C1GALT1: variants seen among roughly 807,000 people sequenced by gnomAD.
C1GALT1 encodes the protein glycoprotein-N-acetylgalactosamine 3-beta-galactosyltransferase 1.
In C1GALT1, 11 loss-of-function variants were observed where a neutral mutation model predicts 31.0. That is an observed-to-expected ratio of 0.36 (90% CI 0.22 to 0.59). The LOEUF is 0.59. Among genes scored for constraint, C1GALT1 ranks in the 20% least tolerant of loss-of-function variants. The probability of loss-of-function intolerance (pLI) is 0.79; values close to 1 mark genes in which losing one functional copy is unlikely to be tolerated. For synonymous variants in C1GALT1, 175 were observed against 143.6 expected (o/e 1.22, Z -1.56); for missense variants, 424 against 425.2 (o/e 1.00, Z 0.03).
intron 1 of C1GALT1, among the ~76,000 whole-genome samples, chr7:7,187,286 G>C (rs910164118): frequency 6.7e-6 from 1 of 149,340 alleles, no homozygotes; most frequent in African/African-American, 2.5e-5. Context: ...GTCTCACTCT[G>C]TCGCCCAGGC....
At chr7:7,161,075 A>G (rs1780328820) in intron 2 of C1GALT1, among the ~76,000 whole-genome samples, 1 of 152,156 alleles carries the variant, frequency 6.6e-6, no homozygotes, top group Admixed American at 6.6e-5. Flanking sequence ...ATTACTGACT[A>G]CTTGTGTACT....
intron 2 of C1GALT1, among the ~76,000 whole-genome samples, chr7:7,235,793 C>G (rs1276350651): frequency 1.3e-5 from 2 of 152,172 alleles, no homozygotes; most frequent in South Asian, 2.1e-4. Flanking sequence ...TACCATCTGT[C>G]TGTGCCAGAA....
chr7:7,182,971 G>T (rs1780651161), intron 1 of C1GALT1, among the ~76,000 whole-genome samples, 151 bp downstream of exon 1: 1 of 152,138 alleles, frequency 6.6e-6, no homozygotes, highest in African/African-American at 2.4e-5. Flanking sequence ...GCCGGGCTGG[G>T]GTCGTCCGGG....
chr7:7,169,791 A>G (rs1214252907), intron 2 of C1GALT1, among the ~76,000 whole-genome samples: 1 of 152,212 alleles, frequency 6.6e-6, no homozygotes, highest in Non-Finnish European at 1.5e-5. Context: ...TTGCTTCAAT[A>G]TTCAGAAGGG....
At chr7:7,182,017 G>T (rs1302193420), upstream of C1GALT1, among the ~76,000 whole-genome samples, 1 of 152,144 alleles carries the variant, frequency 6.6e-6, no homozygotes, top group African/African-American at 2.4e-5. Context: ...CCTATAGAAA[G>T]CTTTCTGGTA....
Position 7,246,627 on chromosome 7 carries a change from G to C in C1GALT1, c.*2900G>C, listed in dbSNP as rs5010184. 6.6e-6 allele frequency: 1 copy of C among 152,056 alleles called. No individual in the cohort carries two copies. Among genetic ancestry groups the C allele is most frequent in the Non-Finnish European group, 1.5e-5 (1 of 68,102 alleles). The allele number at this position is 152,056 out of a possible 1,614,324, so 9.4% of individuals were successfully genotyped here. A position where few individuals can be genotyped will look rare whatever the true frequency, so the allele number is the denominator to read the frequency against. ...ACTTGTTGGAAATGCAGCCTCTCTC[G>C]GGGCCTCATCTCAGATCAGATCTAC... is the stretch of plus-strand genomic sequence containing the variant. On this transcript the variant is annotated 3_prime_UTR_variant, in exon 4 of 4. Transcript: ENST00000436587.
At chr7:7,174,646 CT>C (rs1028594548) in intron 2 of C1GALT1, among the ~76,000 whole-genome samples, 51 of 151,938 alleles carry the variant, frequency 3.4e-4, no homozygotes, top group African/African-American at 1.1e-3. Flanking sequence ...TTTCTTCATT[CT>C]TTTTCCTTTC....
intron 1 of C1GALT1, among the ~76,000 whole-genome samples, chr7:7,204,710 C>T (rs1346191090): frequency 6.6e-6 from 1 of 152,088 alleles, no homozygotes. Flanking sequence ...TTCCTTAGCA[C>T]TGCTTTATCT....
chr7:7,184,294 T>G (rs1052930155), intron 1 of C1GALT1, among the ~76,000 whole-genome samples: 3 of 152,228 alleles, frequency 2.0e-5, no homozygotes, highest in East Asian at 3.8e-4. Context: ...AAGAGAATAA[T>G]TTTTCAGTAT....
At chr7:7,231,125 G>A (rs1438600706) in intron 1 of C1GALT1, among the ~76,000 whole-genome samples, 1 of 152,084 alleles carries the variant, frequency 6.6e-6, no homozygotes, top group African/African-American at 2.4e-5. Context: ...ATTTTTGCTG[G>A]ATACAGAATG....
chr7:7,230,060 G>T (rs892175572), intron 1 of C1GALT1, among the ~76,000 whole-genome samples: 1 of 152,114 alleles, frequency 6.6e-6, no homozygotes, highest in East Asian at 1.9e-4. Flanking sequence ...TCCTCTTAGG[G>T]TTTTTCTTCC....
chr7:7,203,890 A>G (rs78807437), intron 1 of C1GALT1, among the ~76,000 whole-genome samples: 5,763 of 152,154 alleles, frequency 0.038, 250 homozygotes, highest in African/African-American at 0.11. Flanking sequence ...CTACAGTACT[A>G]TAGAATACAA....
rs572795067 is a variant in C1GALT1, at chr7:7,210,247, A to G, written c.-17-24056A>G. Among the ~76,000 whole-genome samples the G allele has an allele frequency of 4.9e-4, 74 of 152,144 alleles. 1 individual carries two copies. In the East Asian group the frequency reaches 0.012, roughly 25 times the overall value. The stretch of plus-strand genomic sequence containing the variant: ...TTTCTGAACCTGGAATTGTGGGACT[A>G]TTTTAAAGGGTATAATTTCAACTGG... On this transcript the variant is annotated intron_variant, in intron 1 of 3. Coordinates refer to ENST00000436587, the MANE Select transcript of C1GALT1 (RefSeq NM_020156.5).
At chr7:7,223,267 T>A (rs1782595303) in intron 1 of C1GALT1, among the ~76,000 whole-genome samples, 1 of 152,182 alleles carries the variant, frequency 6.6e-6, no homozygotes, top group Non-Finnish European at 1.5e-5. Context: ...CAAGCAATTC[T>A]CCTGCTTCAA....
chr7:7,224,216 G>A (rs1021593350), intron 1 of C1GALT1, among the ~76,000 whole-genome samples: 1 of 149,674 alleles, frequency 6.7e-6, no homozygotes, highest in African/African-American at 2.4e-5. Flanking sequence ...ATACTTTTAA[G>A]TATTTTTGTT....
At chr7:7,207,782 TTTTC>T (rs1393051283) in intron 1 of C1GALT1, among the ~76,000 whole-genome samples, 1 of 144,094 alleles carries the variant, frequency 6.9e-6, no homozygotes, top group Non-Finnish European at 1.5e-5. Context: ...GGTGTGCTTT[TTTTC>T]TTTGTTTTTT....
rs747784046 is a variant in C1GALT1, at chr7:7,234,481, T to C, written c.162T>C (p.Asn54=). 1.2e-6 allele frequency: 2 copies of C among 1,613,940 alleles called. No homozygotes were observed. The highest frequency in any genetic ancestry group is 1.3e-5 in the African/African-American group (1 of 75,044). ...NDPHARHSDD[N]GQNHLEGQMN... is the part of the protein sequence containing the mutation. Reference sequence around the variant, plus strand: ...CTCATGCAAGGCATTCAGATGATAATGGACAGAATCATCTAGAAGGACAAA... The same window carrying C: ...CTCATGCAAGGCATTCAGATGATAACGGACAGAATCATCTAGAAGGACAAA... The change falls in exon 2 of 4, where the codon AAT becomes AAC. Residue 54 remains asparagine (N), a synonymous_variant. Transcript: ENST00000436587.
rs1562598507 is a variant in C1GALT1 at position 7,238,823 on chromosome 7, A to G, written c.789A>G (p.Lys263=). The G allele has an allele frequency of 1.9e-6, 3 of 1,613,958 alleles. No homozygotes were observed. The highest frequency in any genetic ancestry group is 1.3e-5 in the African/African-American group (1 of 75,070). The stretch of plus-strand genomic sequence containing the variant: ...GAGATTCCAGAGATACCATTGGAAA[A>G]GAAACTTTTCATCCCTTTGTGCCAG... ...EAGDSRDTIG[K]ETFHPFVPEH... Residue 263 remains lysine (K), a synonymous_variant, in exon 3 of 4, where the codon AAA becomes AAG. Coordinates refer to ENST00000436587, the MANE Select transcript of C1GALT1 (RefSeq NM_020156.5). This position sits in a 1 kb window ranked among gnomAD's most constrained non-coding sequence, Gnocchi z 5.2.
chr7:7,230,362 T>C (rs1387240532), intron 1 of C1GALT1, among the ~76,000 whole-genome samples: 1 of 152,168 alleles, frequency 6.6e-6, no homozygotes, highest in Non-Finnish European at 1.5e-5. Flanking sequence ...TTTTTTGTGG[T>C]ATCAATAAGC....
Sources: gnomAD v4.1 joint callset for allele counts (sites outside exome capture counted in the v4.1 genomes callset) on GRCh38, gnomAD v4.1.1 for gene constraint, Gnocchi (gnomAD v3.1) non-coding constraint, MANE v1.5 for transcripts, NCBI Gene and HGNC (gene_info 2026-07-23, HGNC 2026-07-21) for gene names.